The following LRRC37B variants were observed in gnomAD, a reference collection of about 807,000 sequenced individuals.
LRRC37B encodes the protein leucine rich repeat containing 37B.
Under a neutral mutation model 98.3 loss-of-function variants are expected in LRRC37B, and 28 were observed. The ratio of observed to expected loss-of-function variants is 0.28; its 90% confidence interval spans 0.21 to 0.39. LRRC37B has a LOEUF of 0.39. LRRC37B is among the 10% of genes least tolerant of loss of function. The pLI is 1.00. For missense variants in LRRC37B, 938 were observed against 1,182.7 expected (o/e 0.79, Z 3.03); for synonymous variants, 364 against 442.7 (o/e 0.82, Z 2.23).
At chr17:32,033,624 A>G (rs181710456) in intron 5 of LRRC37B, among the ~76,000 whole-genome samples, 31 of 152,302 alleles carry the variant, frequency 2.0e-4, no homozygotes, top group Non-Finnish European at 3.8e-4. Context: ...GAAATGTGAA[A>G]TGCTGATCAC....
rs375407488 is a variant in LRRC37B at position 32,053,308 on chromosome 17, C to T, written c.2905C>T (p.Pro969Ser). The T allele has an allele frequency of 5.6e-6, 9 of 1,609,352 alleles. No homozygotes were observed. Among genetic ancestry groups the T allele is most frequent in the Non-Finnish European group, 7.6e-6 (9 of 1,178,712 alleles). ...GGCATCAGAAAAATACAAAGACAACCCATCAATATCAGGAGCCTGAGCATG... is the reference window on the plus strand; with the variant it reads ...GGCATCAGAAAAATACAAAGACAACTCATCAATATCAGGAGCCTGAGCATG... The change falls in exon 12 of 12, where the codon CCA (proline) becomes TCA (serine). Residue 969 changes from proline (P) to serine (S), a missense_variant. Physicochemically the swap from Pro to Ser is moderately conservative, Grantham distance 74. Coordinates refer to ENST00000327564, the Ensembl canonical transcript of LRRC37B.
intron 10 of LRRC37B, 57 bp downstream of exon 13, chr17:32,049,451 G>A: frequency 1.3e-6 from 2 of 1,544,106 alleles, no homozygotes; most frequent in Middle Eastern, 1.7e-4. Context: ...CGTATGCCAG[G>A]AGAGTGCCCA....
At chr17:32,025,564 C>A (rs893659761) in intron 2 of LRRC37B, among the ~76,000 whole-genome samples, 5 of 151,776 alleles carry the variant, frequency 3.3e-5, no homozygotes, top group Admixed American at 2.0e-4. Flanking sequence ...CAACTTGATT[C>A]TTTCACTTCA....
intron 6 of LRRC37B, among the ~76,000 whole-genome samples, chr17:32,035,248 A>G (rs1911215224): frequency 6.6e-6 from 1 of 152,192 alleles, no homozygotes; most frequent in Non-Finnish European, 1.5e-5. Flanking sequence ...CAAGAAAGCA[A>G]AGAGAAATAG....
chr17:32,015,431 A>G (rs1019320215), intron 1 of LRRC37B, among the ~76,000 whole-genome samples: 3 of 152,224 alleles, frequency 2.0e-5, no homozygotes, highest in African/African-American at 4.8e-5. Context: ...GTTCTGGAGT[A>G]TTAACTTCTG....
At chr17:32,020,477 C>G (rs1242596570), upstream of LRRC37B, among the ~76,000 whole-genome samples, 5 of 152,222 alleles carry the variant, frequency 3.3e-5, no homozygotes, top group East Asian at 5.8e-4. Flanking sequence ...AAGGGCTGTT[C>G]CCTCGGATTG....
At chr17:32,041,751 G>T (rs578155651) in intron 7 of LRRC37B, 191 of 457,826 alleles carry the variant, frequency 4.2e-4, no homozygotes, top group African/African-American at 3.4e-3. Flanking sequence ...CCCTAACGGT[G>T]ACGGCTCCCT....
chr17:32,012,953 G>A (rs534810984), intron 1 of LRRC37B, among the ~76,000 whole-genome samples: 1 of 152,274 alleles, frequency 6.6e-6, no homozygotes, highest in Admixed American at 6.5e-5. Context: ...GGAGGCAGAG[G>A]TTGTAGTGAG....
chr17:32,034,523 A>AG (rs1911191077), intron 5 of LRRC37B, among the ~76,000 whole-genome samples: 1 of 151,432 alleles, frequency 6.6e-6, no homozygotes, highest in African/African-American at 2.4e-5. Context: ...AAAAAAAAAA[A>AG]ACAACTTGAA....
intron 1 of LRRC37B, among the ~76,000 whole-genome samples, chr17:32,011,152 A>G (rs970989071): frequency 6.6e-6 from 1 of 151,572 alleles, no homozygotes; most frequent in African/African-American, 2.4e-5. Context: ...ACCCGCCACC[A>G]CGCCCCGCTG....
chr17:32,018,669 T>C (rs916645994), upstream of LRRC37B, among the ~76,000 whole-genome samples: 4 of 152,002 alleles, frequency 2.6e-5, no homozygotes, highest in African/African-American at 4.8e-5. Flanking sequence ...ATACCAGAGA[T>C]GTGGGGGGAA....
chr17:32,048,738 CAA>C (rs1453905509), intron 9 of LRRC37B, among the ~76,000 whole-genome samples: 1 of 152,200 alleles, frequency 6.6e-6, no homozygotes, highest in Non-Finnish European at 1.5e-5. Context: ...CCGATGCTCG[CAA>C]AGAGGCCGCT....
At chr17:32,039,966 G>A (rs558620140) in intron 7 of LRRC37B, 65 of 152,200 alleles carry the variant, frequency 4.3e-4, no homozygotes, top group African/African-American at 1.2e-3. Flanking sequence ...AAGATAGTGA[G>A]GATCTGTCTG....
At chr17:32,022,370 T>C in exon 1 of LRRC37B, 1 of 1,613,910 alleles carries the variant, frequency 6.2e-7, no homozygotes. Flanking sequence ...AGGCTCAGCA[T>C]TCACACCTGA....
At chr17:32,020,019 A>G (rs1329574703), upstream of LRRC37B, among the ~76,000 whole-genome samples, 1 of 151,982 alleles carries the variant, frequency 6.6e-6, no homozygotes, top group Admixed American at 6.6e-5. Flanking sequence ...CTAATTTTGT[A>G]TTTTTAGTAG....
intron 7 of LRRC37B, chr17:32,040,726 A>G (rs1911400840): frequency 1.4e-5 from 11 of 793,782 alleles, no homozygotes; most frequent in Non-Finnish European, 2.3e-5. Flanking sequence ...ATCCGCCACC[A>G]GAAGGAGCTG....
chr17:32,036,574 A>T (rs1425134039), intron 7 of LRRC37B, among the ~76,000 whole-genome samples: 1 of 152,226 alleles, frequency 6.6e-6, no homozygotes, highest in Non-Finnish European at 1.5e-5. Context: ...GTCATTCCAT[A>T]TAAAATATTT....
exon 1 of LRRC37B, chr17:32,021,431 T>C: frequency 6.2e-7 from 1 of 1,613,762 alleles, no homozygotes; most frequent in South Asian, 1.1e-5. Context: ...AAAATTTGGC[T>C]CCATTCCTGA....
At chr17:32,014,788 G>A (rs1910615012) in intron 1 of LRRC37B, among the ~76,000 whole-genome samples, 1 of 152,130 alleles carries the variant, frequency 6.6e-6, no homozygotes, top group Admixed American at 6.6e-5. Context: ...CTGATCTGAG[G>A]ATAAAATAAG....
Sources: allele counts gnomAD v4.1 joint callset (sites outside exome capture counted in the v4.1 genomes callset), GRCh38; gene constraint gnomAD v4.1.1; transcripts MANE v1.5; gene names NCBI Gene and HGNC (gene_info 2026-07-23, HGNC 2026-07-21).